The following RGS8 variants were observed in gnomAD, a reference collection of about 807,000 sequenced individuals.
The protein encoded by RGS8 is regulator of G protein signaling 8, also known as regulator of G-protein signaling 8.
RGS8 carries 8 observed loss-of-function variants against 21.7 expected under a neutral mutation model. The observed-to-expected ratio is 0.37, with a 90% CI of 0.22 to 0.66. The LOEUF (loss-of-function observed/expected upper bound fraction) is 0.66, where lower values mean the gene tolerates loss of function less well. Ranked by LOEUF, RGS8 falls within the 30% of genes least tolerant of loss-of-function variation. RGS8 has a pLI of 0.59. For missense variants in RGS8, 157 were observed against 217.9 expected (o/e 0.72, Z 1.76); for synonymous variants, 80 against 83.6 (o/e 0.96, Z 0.24).
the RGS8 span, among the ~76,000 whole-genome samples, chr1:182,721,541 G>A: frequency 6.6e-6 from 1 of 152,198 alleles, no homozygotes; most frequent in African/African-American, 2.4e-5. Flanking sequence ...CCTAAGAAAA[G>A]AGAGTGCTGC....
At chr1:182,671,189 C>T (rs1664140162) in intron 2 of RGS8, among the ~76,000 whole-genome samples, 1 of 152,148 alleles carries the variant, frequency 6.6e-6, no homozygotes, top group Non-Finnish European at 1.5e-5. Context: ...CAGCGCTGCC[C>T]AAATTGCTGC....
chr1:182,689,253 GCACA>G (rs1305590032), upstream of RGS8, among the ~76,000 whole-genome samples: 1 of 133,156 alleles, frequency 7.5e-6, no homozygotes, highest in East Asian at 2.3e-4. Flanking sequence ...GCACGCGCAC[GCACA>G]CACACAGACA....
At chr1:182,737,874 C>T in the RGS8 span, among the ~76,000 whole-genome samples, 4 of 152,226 alleles carry the variant, frequency 2.6e-5, no homozygotes, top group African/African-American at 9.6e-5. Flanking sequence ...CTGAGGCCTA[C>T]CAACAACCAC....
At chr1:182,693,878 C>A in the RGS8 span, among the ~76,000 whole-genome samples, 2 of 152,108 alleles carry the variant, frequency 1.3e-5, no homozygotes, top group Admixed American at 6.5e-5. Flanking sequence ...AACAAAAAAA[C>A]CAAGTGCCAC....
chr1:182,744,761 C>A, the RGS8 span, among the ~76,000 whole-genome samples: 1 of 152,318 alleles, frequency 6.6e-6, no homozygotes, highest in Admixed American at 6.5e-5. Flanking sequence ...AAATCACCTA[C>A]TGATGCATTT....
At chr1:182,688,071 T>G (rs1287188499), upstream of RGS8, among the ~76,000 whole-genome samples, 1 of 152,242 alleles carries the variant, frequency 6.6e-6, no homozygotes, top group Non-Finnish European at 1.5e-5. Flanking sequence ...CTTCTGCCAT[T>G]GTGCAAATCT....
At chr1:182,662,933 G>A (rs961520357) in intron 5 of RGS8, among the ~76,000 whole-genome samples, 8 of 151,076 alleles carry the variant, frequency 5.3e-5, no homozygotes, top group African/African-American at 2.0e-4. Context: ...TGGCAAAGAT[G>A]TCCTGTAGAT....
chr1:182,677,610 C>T (rs1664406342), upstream of RGS8, among the ~76,000 whole-genome samples: 1 of 152,232 alleles, frequency 6.6e-6, no homozygotes, highest in African/African-American at 2.4e-5. Context: ...TCTCCAGCTG[C>T]TCAGTGGCTG....
At chr1:182,659,030 T>C (rs1663441327) in intron 5 of RGS8, among the ~76,000 whole-genome samples, 2 of 152,346 alleles carry the variant, frequency 1.3e-5, no homozygotes, top group African/African-American at 2.4e-5. Context: ...TGTAGCAAGA[T>C]GATTTATTAT....
At chr1:182,676,984 T>C (rs146476578), upstream of RGS8, among the ~76,000 whole-genome samples, 657 of 152,326 alleles carry the variant, frequency 4.3e-3, 3 homozygotes, top group African/African-American at 0.015. Flanking sequence ...TAAATTCCAG[T>C]ACATCACACC....
exon 7 of RGS8, chr1:182,646,783 G>C: frequency 6.2e-7 from 1 of 1,614,120 alleles, no homozygotes; most frequent in Non-Finnish European, 8.5e-7. Context: ...AGTACATTTT[G>C]GACCTCAGGA....
Position 182,646,861 on chromosome 1 carries a change from G to A in RGS8, c.417C>T (p.Ser139=), listed in dbSNP as rs528197388. ...CTTGGGCTTGGTCAAAGCAAGTCAGGGATGGCTCCTGCAGGTTCTTCCTCG... is the reference window on the plus strand; with the variant it reads ...CTTGGGCTTGGTCAAAGCAAGTCAGAGATGGCTCCTGCAGGTTCTTCCTCG... The change falls in exon 7 of 7, where the codon TCC becomes TCT. Residue 139 remains serine (S), a synonymous_variant. Transcript: ENST00000483095. 93 of 1,614,148 alleles carry A rather than the reference G, an allele frequency of 5.8e-5. No homozygotes were observed. The South Asian group carries it at 9.6e-4, about 17-fold the overall frequency.
chr1:182,740,536 T>TTTTGTTTG, the RGS8 span, among the ~76,000 whole-genome samples: 1 of 96,478 alleles, frequency 1.0e-5, no homozygotes. Context: ...ATGTTGTTTT[T>TTTTGTTTG]TTTGTTTGTT....
intron 5 of RGS8, among the ~76,000 whole-genome samples, chr1:182,664,307 T>G (rs1396508521): frequency 6.6e-6 from 1 of 152,100 alleles, no homozygotes; most frequent in East Asian, 1.9e-4. Flanking sequence ...CACCATATCC[T>G]TACAAAATAC....
chr1:182,672,898 A>C, upstream of RGS8: 2 of 1,590,386 alleles, frequency 1.3e-6, no homozygotes. Flanking sequence ...GTGGTTCTCC[A>C]AGCGTGGTCC....
At chr1:182,721,416 T>C in the RGS8 span, among the ~76,000 whole-genome samples, 1 of 152,110 alleles carries the variant, frequency 6.6e-6, no homozygotes, top group African/African-American at 2.4e-5. Context: ...TCTCAAAATA[T>C]TTATCTTAAT....
the RGS8 span, among the ~76,000 whole-genome samples, chr1:182,734,940 T>C: frequency 6.6e-6 from 1 of 152,244 alleles, no homozygotes; most frequent in Admixed American, 6.5e-5. Flanking sequence ...TGAAATTAAT[T>C]TTTATCATAT....
chr1:182,723,902 A>G, the RGS8 span, among the ~76,000 whole-genome samples: 5 of 152,276 alleles, frequency 3.3e-5, no homozygotes, highest in Admixed American at 1.3e-4. Flanking sequence ...TTGAGCAAGG[A>G]GTAATTTGAA....
intron 5 of RGS8, among the ~76,000 whole-genome samples, chr1:182,653,912 G>C (rs896740865): frequency 1.3e-5 from 2 of 152,220 alleles, no homozygotes; most frequent in Non-Finnish European, 2.9e-5. Flanking sequence ...GAACTTGAAA[G>C]TCTGTCTCAT....
Sources: gnomAD v4.1 joint callset for allele counts (sites outside exome capture counted in the v4.1 genomes callset) on GRCh38, gnomAD v4.1.1 for gene constraint, MANE v1.5 for transcripts, NCBI Gene and HGNC (gene_info 2026-07-23, HGNC 2026-07-21) for gene names.